The following SCAPER variants were observed in gnomAD, a reference collection of about 807,000 sequenced individuals.
The protein encoded by SCAPER is S phase cyclin A-associated protein in the endoplasmic reticulum.
A neutral mutation model predicts 182.2 loss-of-function variants in SCAPER; 98 were observed. That is an observed-to-expected ratio of 0.54 (90% CI 0.46 to 0.64). The LOEUF (loss-of-function observed/expected upper bound fraction) is 0.64, where lower values mean the gene tolerates loss of function less well. Among genes scored for constraint, SCAPER ranks in the 30% least tolerant of loss-of-function variants. The probability of loss-of-function intolerance (pLI) is 0.00; values close to 1 mark genes in which losing one functional copy is unlikely to be tolerated. For synonymous variants in SCAPER, 605 were observed against 564.6 expected, an observed-to-expected ratio of 1.07 and a Z score of -1.01; for missense variants, 1,432 against 1,690.0, an observed-to-expected ratio of 0.85 and a Z score of 2.68.
intron 31 of SCAPER, chr15:76,348,959 T>C (rs2040352471): frequency 2.8e-6 from 1 of 363,000 alleles, no homozygotes; most frequent in Admixed American, 4.3e-5. Context: ...AGTTTGTCCT[T>C]TAACATATTC....
intron 21 of SCAPER, among the ~76,000 whole-genome samples, chr15:76,622,177 G>A (rs1052734831): frequency 6.6e-5 from 10 of 152,174 alleles, no homozygotes; most frequent in South Asian, 4.1e-4. Flanking sequence ...ACTAGGCTCC[G>A]GCTTGCCTAA....
chr15:76,498,017 A>G (rs939264494), intron 24 of SCAPER, among the ~76,000 whole-genome samples: 1 of 147,982 alleles, frequency 6.8e-6, no homozygotes, highest in African/African-American at 2.5e-5. Flanking sequence ...AAAAAAAAAA[A>G]AAATAAGCAC....
intron 8 of SCAPER, among the ~76,000 whole-genome samples, chr15:76,776,563 C>T (rs138594992): frequency 6.6e-4 from 100 of 152,266 alleles, no homozygotes; most frequent in African/African-American, 2.2e-3. Flanking sequence ...TAGTGGGAGG[C>T]AGAAAAAGTA....
intron 5 of SCAPER, among the ~76,000 whole-genome samples, chr15:76,814,422 C>T (rs1049667071): frequency 6.6e-6 from 1 of 151,996 alleles, no homozygotes; most frequent in Admixed American, 6.6e-5. Flanking sequence ...TGAAGACCAA[C>T]AGAACAACGA....
chr15:76,394,261 A>C lies in SCAPER; in HGVS notation c.3467+10263T>G, dbSNP rs78298341. Among the ~76,000 whole-genome samples, 503 of 152,314 alleles carry C rather than the reference A, an allele frequency of 3.3e-3. 5 individuals carry two copies. The highest frequency in any genetic ancestry group is 4.3e-3 in the Non-Finnish European group (293 of 68,040). On this transcript the variant is annotated intron_variant, in intron 27 of 31. Coordinates refer to ENST00000563290, the MANE Select transcript of SCAPER (RefSeq NM_020843.4). The stretch of plus-strand genomic sequence containing the variant: ...GCTTGGTATAAGGAGAGATGGTTTA[A>C]GCAACAACAACTCAAGCTCCCCTTA...
intron 20 of SCAPER, among the ~76,000 whole-genome samples, chr15:76,667,625 CAAAAAAAAAAAAAAAAAAAAAAAAA>C (rs775463270): frequency 3.6e-5 from 1 of 27,454 alleles, no homozygotes; most frequent in Non-Finnish European, 6.5e-5. Flanking sequence ...GACTCAGTCT[CAAAAAAAAAAAAAAAAAAAAAAAAA>C]AAAAAAAAAA....
chr15:76,720,887 C>T (rs2150962637), intron 17 of SCAPER, among the ~76,000 whole-genome samples: 1 of 152,278 alleles, frequency 6.6e-6, no homozygotes, highest in South Asian at 2.1e-4. Flanking sequence ...CCTGTTCACT[C>T]TGATGGTGGT....
At chr15:76,386,671 G>C (rs548500370) in intron 27 of SCAPER, among the ~76,000 whole-genome samples, 1 of 152,234 alleles carries the variant, frequency 6.6e-6, no homozygotes, top group South Asian at 2.1e-4. Flanking sequence ...GGACACCTGG[G>C]GGAAGGGTGT....
chr15:76,559,975 A>G (rs998197981), intron 23 of SCAPER, among the ~76,000 whole-genome samples: 2 of 152,116 alleles, frequency 1.3e-5, no homozygotes, highest in African/African-American at 2.4e-5. Flanking sequence ...CTACTTTGTA[A>G]AGAAAGTTAA....
At chr15:76,803,591 G>A (rs778848173) in intron 6 of SCAPER, among the ~76,000 whole-genome samples, 7 of 152,134 alleles carry the variant, frequency 4.6e-5, no homozygotes, top group Non-Finnish European at 8.8e-5. Context: ...TCTGGATGCT[G>A]GGAAGTACAA....
chr15:76,425,408 C>T (rs375960326), intron 26 of SCAPER, among the ~76,000 whole-genome samples: 2 of 152,192 alleles, frequency 1.3e-5, no homozygotes, highest in Non-Finnish European at 2.9e-5. Context: ...TTGATAGAAT[C>T]GGCTACTGAA....
chr15:76,485,945 T>C (rs3107781), intron 24 of SCAPER, among the ~76,000 whole-genome samples: 10 of 152,266 alleles, frequency 6.6e-5, no homozygotes, highest in South Asian at 4.1e-4. Flanking sequence ...CAGTGGCTCA[T>C]GCCTGTAATC....
At chr15:76,565,300 T>A (rs2046961953) in intron 23 of SCAPER, among the ~76,000 whole-genome samples, 1 of 151,900 alleles carries the variant, frequency 6.6e-6, no homozygotes, top group Admixed American at 6.6e-5. Flanking sequence ...TATAAGGAAC[T>A]TTTTTTTAAT....
intron 21 of SCAPER, among the ~76,000 whole-genome samples, chr15:76,625,057 C>T (rs2146150420): frequency 6.6e-6 from 1 of 152,166 alleles, no homozygotes; most frequent in Non-Finnish European, 1.5e-5. Context: ...CCTTAAGCCC[C>T]CAGAGAGAGT....
chr15:76,610,146 G>T (rs1347844476), intron 22 of SCAPER, among the ~76,000 whole-genome samples: 1 of 152,156 alleles, frequency 6.6e-6, no homozygotes, highest in African/African-American at 2.4e-5. Context: ...GAGAAAACCA[G>T]TGCCAGCATA....
At chr15:76,896,582 T>C (rs1472704370) in intron 1 of SCAPER, among the ~76,000 whole-genome samples, 3 of 152,052 alleles carry the variant, frequency 2.0e-5, no homozygotes, top group South Asian at 2.1e-4. Context: ...ATAATCCCTA[T>C]CAAAATCTCC....
At chr15:76,811,119 T>TAG (rs1241824224) in intron 5 of SCAPER, among the ~76,000 whole-genome samples, 1 of 58,882 alleles carries the variant, frequency 1.7e-5, no homozygotes, top group Non-Finnish European at 3.7e-5. Flanking sequence ...AGATAGAATT[T>TAG]ACAAAAAAAA....
chr15:76,446,411 T>C (rs947131779), intron 25 of SCAPER, among the ~76,000 whole-genome samples: 2 of 152,250 alleles, frequency 1.3e-5, no homozygotes, highest in African/African-American at 4.8e-5. Flanking sequence ...TAATGAATCA[T>C]TTAAACATTG....
intron 24 of SCAPER, among the ~76,000 whole-genome samples, chr15:76,492,519 T>C (rs2052418589): frequency 6.6e-6 from 1 of 152,160 alleles, no homozygotes; most frequent in Admixed American, 6.5e-5. Flanking sequence ...GAATAAAATA[T>C]ATTAAACAGA....
Sources: allele counts gnomAD v4.1 joint callset (sites outside exome capture counted in the v4.1 genomes callset), GRCh38; gene constraint gnomAD v4.1.1; transcripts MANE v1.5; gene names NCBI Gene and HGNC (gene_info 2026-07-23, HGNC 2026-07-21).